HYCC1: variants seen among roughly 807,000 people sequenced by gnomAD.
The protein encoded by HYCC1 is hyccin PI4KA lipid kinase complex subunit 1.
chr7:22,941,772 T>C, the HYCC1 span: 1 of 152,134 alleles, frequency 6.6e-6, no homozygotes, highest in Non-Finnish European at 1.5e-5. Flanking sequence ...TCTGAATAAC[T>C]CAAAGTACTG....
At chr7:22,993,070 G>T in the HYCC1 span, among the ~76,000 whole-genome samples, 1 of 152,042 alleles carries the variant, frequency 6.6e-6, no homozygotes, top group African/African-American at 2.4e-5. Flanking sequence ...AGAGTGGCCA[G>T]AAACAGACCC....
At chr7:22,984,182 A>G in the HYCC1 span, 1 of 626,074 alleles carries the variant, frequency 1.6e-6, no homozygotes, top group Non-Finnish European at 2.9e-6. Flanking sequence ...ACAGGTATGA[A>G]GTTTCTTTTT....
chr7:22,921,757 C>A, the HYCC1 span, among the ~76,000 whole-genome samples: 2 of 151,990 alleles, frequency 1.3e-5, no homozygotes, highest in African/African-American at 4.8e-5. Flanking sequence ...CCTTGCAGAA[C>A]CTGCATATAC....
the HYCC1 span, chr7:22,941,928 ATTTTTC>A: frequency 6.6e-6 from 1 of 152,016 alleles, no homozygotes; most frequent in Admixed American, 6.6e-5. Context: ...CCATCAAATT[ATTTTTC>A]TTTTTAAGTG....
At chr7:22,983,963 ATAACTT>A in the HYCC1 span, 12 of 1,597,566 alleles carry the variant, frequency 7.5e-6, no homozygotes, top group Non-Finnish European at 1.0e-5. Flanking sequence ...TGGCTCCTGG[ATAACTT>A]TATAGAGAGA....
the HYCC1 span, chr7:22,946,178 G>T: frequency 1.2e-6 from 2 of 1,601,494 alleles, no homozygotes; most frequent in Non-Finnish European, 1.7e-6. Context: ...ACAAAGAAAT[G>T]ACAAAGATTA....
chr7:22,976,503 C>A, the HYCC1 span, among the ~76,000 whole-genome samples: 1 of 152,138 alleles, frequency 6.6e-6, no homozygotes. Context: ...CTTTAAAATT[C>A]AGTGTTCCAG....
At chr7:22,948,455 A>G in the HYCC1 span, among the ~76,000 whole-genome samples, 1 of 152,128 alleles carries the variant, frequency 6.6e-6, no homozygotes, top group South Asian at 2.1e-4. Context: ...CCTGGCTCCA[A>G]CCCCCAAACA....
At chr7:22,904,288 G>T in the HYCC1 span, among the ~76,000 whole-genome samples, 7 of 151,830 alleles carry the variant, frequency 4.6e-5, no homozygotes, top group Non-Finnish European at 7.4e-5. Context: ...AAACTTAGCC[G>T]GGCGTGGTGG....
the HYCC1 span, among the ~76,000 whole-genome samples, chr7:22,914,292 C>A: frequency 2.6e-5 from 4 of 151,840 alleles, no homozygotes; most frequent in African/African-American, 9.7e-5. Context: ...TGCTCACCCA[C>A]ATTGCAGCCC....
At chr7:22,924,252 T>G in the HYCC1 span, among the ~76,000 whole-genome samples, 7 of 150,094 alleles carry the variant, frequency 4.7e-5, no homozygotes, top group South Asian at 1.3e-3. Flanking sequence ...GCTCCCAGCA[T>G]GAGCGATGCA....
At chr7:22,905,191 G>T in the HYCC1 span, among the ~76,000 whole-genome samples, 1 of 151,878 alleles carries the variant, frequency 6.6e-6, no homozygotes, top group African/African-American at 2.4e-5. Flanking sequence ...CAACACTGGG[G>T]ATTACATTTC....
chr7:22,981,134 TTA>T, the HYCC1 span, among the ~76,000 whole-genome samples: 1 of 152,224 alleles, frequency 6.6e-6, no homozygotes, highest in African/African-American at 2.4e-5. Context: ...TGACATAGTA[TTA>T]TATGTTTAGT....
At chr7:23,005,138 A>G in the HYCC1 span, among the ~76,000 whole-genome samples, 1 of 152,136 alleles carries the variant, frequency 6.6e-6, no homozygotes, top group Non-Finnish European at 1.5e-5. Flanking sequence ...GAGGAATCCC[A>G]CCTATATTCC....
chr7:22,911,668 G>A, the HYCC1 span, among the ~76,000 whole-genome samples: 2 of 152,206 alleles, frequency 1.3e-5, no homozygotes, highest in African/African-American at 2.4e-5. Context: ...TGAGGCAGAA[G>A]AATCGCTTGA....
chr7:22,929,085 TG>T, the HYCC1 span, among the ~76,000 whole-genome samples: 34 of 152,140 alleles, frequency 2.2e-4, no homozygotes, highest in Non-Finnish European at 3.7e-4. Context: ...AAACAAGCAA[TG>T]GGGAAAGGAT....
the HYCC1 span, among the ~76,000 whole-genome samples, chr7:22,932,893 G>T: frequency 2.0e-5 from 3 of 152,106 alleles, no homozygotes; most frequent in Non-Finnish European, 4.4e-5. Context: ...GTCATAATGG[G>T]TTAGAGTGAA....
chr7:22,920,337 AAAT>A, the HYCC1 span, among the ~76,000 whole-genome samples: 1 of 152,186 alleles, frequency 6.6e-6, no homozygotes, highest in Admixed American at 6.5e-5. Context: ...TGTATTTAAA[AAAT>A]AATAATAAAA....
chr7:22,935,217 T>G, the HYCC1 span: 1 of 152,248 alleles, frequency 6.6e-6, no homozygotes. Flanking sequence ...GCTATAGAAG[T>G]GTCTGGTTAT....
Sources: gnomAD v4.1 joint callset for allele counts (sites outside exome capture counted in the v4.1 genomes callset) on GRCh38, gnomAD v4.1.1 for gene constraint, MANE v1.5 for transcripts, NCBI Gene and HGNC (gene_info 2026-07-23, HGNC 2026-07-21) for gene names.